Variants in PRIM2 observed in about 807,000 individuals in gnomAD.
PRIM2 encodes DNA primase subunit 2.
PRIM2 carries 39 observed loss-of-function variants against 67.3 expected under a neutral mutation model. That is an observed-to-expected ratio of 0.58 (90% CI 0.45 to 0.76). The LOEUF (loss-of-function observed/expected upper bound fraction) is 0.76. Ranked by LOEUF, PRIM2 falls within the 30% of genes least tolerant of loss-of-function variation. The pLI, the probability that PRIM2 is intolerant of heterozygous loss-of-function variation, is 0.00. For synonymous variants in PRIM2, 143 were observed against 198.7 expected (o/e 0.72, Z 2.36); for missense variants, 398 against 598.7 (o/e 0.66, Z 3.50).
intron 10 of PRIM2, among the ~76,000 whole-genome samples, chr6:57,565,986 T>C (rs1264609201): frequency 6.6e-6 from 1 of 152,220 alleles, no homozygotes; most frequent in African/African-American, 2.4e-5. Context: ...AGGTCACATG[T>C]TAGATTTGGT....
At chr6:57,322,913 G>A (rs1283144826) in intron 3 of PRIM2, among the ~76,000 whole-genome samples, 4 of 152,174 alleles carry the variant, frequency 2.6e-5, no homozygotes, top group African/African-American at 9.7e-5. Context: ...GACAACTGGT[G>A]AAGACTGACG....
the PRIM2 span, among the ~76,000 whole-genome samples, chr6:57,225,839 G>GA: frequency 6.6e-6 from 1 of 152,096 alleles, no homozygotes; most frequent in South Asian, 2.1e-4. Context: ...TGGCCATCTG[G>GA]AAAAAACTAG....
intron 7 of PRIM2, among the ~76,000 whole-genome samples, chr6:57,467,122 A>G (rs1460613648): frequency 2.7e-5 from 4 of 147,628 alleles, no homozygotes; most frequent in African/African-American, 7.6e-5. Context: ...AAAAAAAAAG[A>G]AAAGAAAAAA....
intron 7 of PRIM2, among the ~76,000 whole-genome samples, chr6:57,469,843 A>C (rs2127401148): frequency 6.6e-6 from 1 of 152,332 alleles, no homozygotes; most frequent in Non-Finnish European, 1.5e-5. Flanking sequence ...CAAGCATACT[A>C]TTCTAAATAT....
chr6:57,378,086 T>C (rs9464456), intron 5 of PRIM2, among the ~76,000 whole-genome samples: 11 of 150,458 alleles, frequency 7.3e-5, no homozygotes, highest in Non-Finnish European at 1.3e-4. Flanking sequence ...TTTTTGATAA[T>C]GGTTTGCTGT....
chr6:57,601,056 G>A (rs1776455091), intron 10 of PRIM2, 37 bp from the exon 11 acceptor site: 2 of 1,562,510 alleles, frequency 1.3e-6, no homozygotes, highest in African/African-American at 2.7e-5. Flanking sequence ...ATAATTATTG[G>A]CTGACTTTGT....
At chr6:57,590,088 G>A (rs1293218519) in intron 10 of PRIM2, among the ~76,000 whole-genome samples, 1 of 152,160 alleles carries the variant, frequency 6.6e-6, no homozygotes, top group African/African-American at 2.4e-5. Flanking sequence ...AAGAAGTCTG[G>A]GCCTCTAATC....
chr6:57,499,354 G>A (rs1774078184), intron 7 of PRIM2, among the ~76,000 whole-genome samples: 1 of 152,144 alleles, frequency 6.6e-6, no homozygotes, highest in East Asian at 1.9e-4. Flanking sequence ...TGGCATTTGA[G>A]GGAACAACAG....
the PRIM2 span, among the ~76,000 whole-genome samples, chr6:57,301,775 T>G: frequency 6.6e-6 from 1 of 152,172 alleles, no homozygotes; most frequent in African/African-American, 2.4e-5. Flanking sequence ...TAAGCCAAGA[T>G]TGTTCTACTG....
At chr6:57,278,475 C>T in the PRIM2 span, among the ~76,000 whole-genome samples, 1 of 152,142 alleles carries the variant, frequency 6.6e-6, no homozygotes, top group Non-Finnish European at 1.5e-5. Flanking sequence ...TCCATTGCCT[C>T]CATTTTATTA....
intron 5 of PRIM2, among the ~76,000 whole-genome samples, chr6:57,372,509 G>A (rs1769599093): frequency 6.6e-6 from 1 of 152,140 alleles, no homozygotes; most frequent in South Asian, 2.1e-4. Context: ...CTACTAGATT[G>A]ACACAACTAA....
chr6:57,407,306 A>T (rs1482158644), intron 7 of PRIM2, among the ~76,000 whole-genome samples: 14 of 151,626 alleles, frequency 9.2e-5, no homozygotes, highest in Admixed American at 2.6e-4. Flanking sequence ...TTGTAAGTAT[A>T]TTTTCATTAA....
At chr6:57,321,749 A>G (rs369298493) in intron 3 of PRIM2, among the ~76,000 whole-genome samples, 4 of 152,214 alleles carry the variant, frequency 2.6e-5, no homozygotes, top group African/African-American at 9.7e-5. Flanking sequence ...TGCATTACAT[A>G]TATTAACCCA....
intron 12 of PRIM2, among the ~76,000 whole-genome samples, chr6:57,607,715 T>G (rs1332687740): frequency 6.6e-6 from 1 of 152,174 alleles, no homozygotes; most frequent in Non-Finnish European, 1.5e-5. Flanking sequence ...AAATAAAGAA[T>G]TAGTGGCTTT....
chr6:57,592,932 A>G (rs1776306449), intron 10 of PRIM2, among the ~76,000 whole-genome samples: 1 of 152,192 alleles, frequency 6.6e-6, no homozygotes, highest in African/African-American at 2.4e-5. Flanking sequence ...AGATTTGGGC[A>G]TAAATACTTT....
At chr6:57,274,639 ACC>A in the PRIM2 span, among the ~76,000 whole-genome samples, 1 of 151,976 alleles carries the variant, frequency 6.6e-6, no homozygotes, top group African/African-American at 2.4e-5. Context: ...ACTGTCCTGC[ACC>A]CACTCACTGT....
At chr6:57,590,115 A>G (rs1448081271) in intron 10 of PRIM2, among the ~76,000 whole-genome samples, 3 of 152,210 alleles carry the variant, frequency 2.0e-5, no homozygotes, top group African/African-American at 7.2e-5. Flanking sequence ...CAGACAATGT[A>G]ATCAGAATCT....
intron 12 of PRIM2, among the ~76,000 whole-genome samples, chr6:57,607,644 T>C (rs1263728484): frequency 2.0e-5 from 3 of 152,058 alleles, no homozygotes; most frequent in Non-Finnish European, 2.9e-5. Flanking sequence ...TTGGTTTCGG[T>C]TTGAGTGACT....
chr6:57,258,552 GT>G, the PRIM2 span, among the ~76,000 whole-genome samples: 1 of 152,196 alleles, frequency 6.6e-6, no homozygotes, highest in Non-Finnish European at 1.5e-5. Flanking sequence ...GTTTGAAGTG[GT>G]TGCACAGTGA....
Sources: allele counts gnomAD v4.1 joint callset (sites outside exome capture counted in the v4.1 genomes callset), GRCh38; gene constraint gnomAD v4.1.1; transcripts MANE v1.5; gene names NCBI Gene and HGNC (gene_info 2026-07-23, HGNC 2026-07-21).